ZNF32: variants seen among roughly 807,000 people sequenced by gnomAD.
The protein encoded by ZNF32 is C2H2-546.
Under a neutral mutation model 24.4 loss-of-function variants are expected in ZNF32, and 13 were observed. That is an observed-to-expected ratio of 0.53 (90% CI 0.35 to 0.85). ZNF32 has a LOEUF of 0.85. ZNF32 is among the 40% of genes least tolerant of loss of function. ZNF32 has a pLI of 0.01. For synonymous variants in ZNF32, 115 were observed against 117.4 expected (o/e 0.98, Z 0.13); for missense variants, 239 against 325.3 (o/e 0.73, Z 2.04).
intron 1 of ZNF32, among the ~76,000 whole-genome samples, chr10:43,648,170 C>T (rs112606739): frequency 3.3e-5 from 5 of 152,234 alleles, no homozygotes; most frequent in African/African-American, 1.2e-4. Flanking sequence ...TAACACTGTC[C>T]TATCAGGTAG....
At chr10:43,648,021 AAAGG>A (rs1839374681) in intron 1 of ZNF32, 1 of 152,228 alleles carries the variant, frequency 6.6e-6, no homozygotes, top group Admixed American at 6.5e-5. Context: ...TTCCTATTAG[AAAGG>A]CTACTATATC....
rs1361738639 is a variant in ZNF32, at chr10:43,646,112, T to G, written c.22A>C (p.Thr8Pro). The change falls in exon 2 of 3, where the codon ACC becomes CCC. Residue 8 changes from threonine (T) to proline (P), a missense_variant. Physicochemically the swap from Thr to Pro is conservative, Grantham distance 38 (BLOSUM62 -1). Transcript: ENST00000374433. ...TATCTTCCATGACAGTCCAGCAGGG[T>G]AGCTGTTGGAAATCCAAACATGTCC... MFGFPTA[T>P]LLDCHGRYAQ... The G allele has an allele frequency of 6.2e-7, 1 of 1,614,102 alleles. No individual in the cohort carries two copies.
intron 1 of ZNF32, chr10:43,647,988 C>T (rs1469613630): frequency 6.6e-6 from 1 of 152,166 alleles, no homozygotes; most frequent in Admixed American, 6.5e-5. Flanking sequence ...GTAAAAGTGG[C>T]TTTATAATTA....
chr10:43,647,076 T>A (rs918320420), intron 1 of ZNF32: 4 of 152,182 alleles, frequency 2.6e-5, no homozygotes, highest in Non-Finnish European at 5.9e-5. Flanking sequence ...TTAATTTTTT[T>A]AAAATTCTGA....
At position 43,644,473 on chromosome 10, in the gene ZNF32, A is replaced by G; in HGVS notation, c.399T>C (p.Tyr133=). The G allele has an allele frequency of 1.2e-6, 2 of 1,614,200 alleles. No individual in the cohort carries two copies. Among genetic ancestry groups the G allele is most frequent in the Non-Finnish European group, 1.7e-6 (2 of 1,180,024 alleles). Residue 133 remains tyrosine, a synonymous_variant, in exon 3 of 3, where the codon TAT becomes TAC. Transcript: ENST00000374433. This position sits in a 1 kb window ranked among gnomAD's most constrained non-coding sequence, Gnocchi z 5.3. ...HQRIHTGEKP[Y]QCKECGKSFS... is the part of the protein sequence containing the mutation. Reference sequence around the variant, plus strand: ...AGCTTTTCCCACACTCCTTGCACTGATAAGGCTTCTCTCCCGTGTGTATCC... The same window carrying G: ...AGCTTTTCCCACACTCCTTGCACTGGTAAGGCTTCTCTCCCGTGTGTATCC...
Position 43,644,262 on chromosome 10 carries a change from A to G in ZNF32, c.610T>C (p.Leu204=). The stretch of plus-strand genomic sequence containing the variant: ...GTGTGGACTCTGATGTGAACAATTA[A>G]GCTTCCTTTCTGACTGAAGGCTTTT... The part of the protein sequence containing the change: ...CGKAFSQKGS[L]IVHIRVHTGL... The change falls in exon 3 of 3, where the codon TTA becomes CTA. Residue 204 remains leucine, a synonymous_variant. Transcript: ENST00000374433. This position sits in a 1 kb window ranked among gnomAD's most constrained non-coding sequence, Gnocchi z 5.3. 6.2e-7 allele frequency: 1 copy of G among 1,614,192 alleles called. No individual in the cohort carries two copies.
intron 1 of ZNF32, chr10:43,647,347 T>C (rs1839339145): frequency 6.6e-6 from 1 of 152,128 alleles, no homozygotes; most frequent in African/African-American, 2.4e-5. Context: ...TCCCAAGACA[T>C]GTAGGCATGA....
intron 1 of ZNF32, chr10:43,647,633 A>C (rs764024096): frequency 1.4e-4 from 21 of 152,204 alleles, no homozygotes; most frequent in Non-Finnish European, 2.8e-4. Flanking sequence ...GAATCATTTA[A>C]ATTTTTATTT....
intron 2 of ZNF32, 122 bp downstream of exon 2, chr10:43,645,942 G>A (rs1839270688): frequency 6.7e-7 from 1 of 1,499,306 alleles, no homozygotes; most frequent in African/African-American, 1.4e-5. Flanking sequence ...ATAACCCTAG[G>A]AACAGCAAGC....
intron 1 of ZNF32, chr10:43,648,005 T>C (rs899603179): frequency 2.6e-5 from 4 of 152,224 alleles, no homozygotes; most frequent in Admixed American, 2.0e-4. Flanking sequence ...ATTAAAAACA[T>C]TGATTTTCCT....
intron 2 of ZNF32, among the ~76,000 whole-genome samples, chr10:43,645,657 G>T (rs947572309): frequency 6.6e-6 from 1 of 152,076 alleles, no homozygotes; most frequent in Non-Finnish European, 1.5e-5. Flanking sequence ...TATTCTCTAT[G>T]CAGATATTGA....
chr10:43,646,034 G>A lies in ZNF32; in HGVS notation c.70+30C>T, dbSNP rs141643182. The stretch of plus-strand genomic sequence containing the variant: ...GGGACACTGAATATCTGTGAGCTGA[G>A]CGCATCCAGCCATCAACTGACTCAC... On this transcript the variant is annotated intron_variant, in intron 2 of 2. Coordinates refer to ENST00000374433, the MANE Select transcript of ZNF32 (RefSeq NM_006973.3). The A allele has an allele frequency of 1.5e-4, 249 of 1,613,528 alleles. 1 individual carries two copies. The African/African-American group carries it at 3.1e-3, about 20-fold the overall frequency.
At chr10:43,648,587 C>T (rs1026543886) in intron 1 of ZNF32, 1 of 152,248 alleles carries the variant, frequency 6.6e-6, no homozygotes, top group Non-Finnish European at 1.5e-5. Context: ...TCCTGAACCT[C>T]GGCATCCCGC....
chr10:43,646,324 A>ATTAT (rs988922573), intron 1 of ZNF32, 122 bp from the exon 2 acceptor site: 3 of 630,994 alleles, frequency 4.8e-6, no homozygotes, highest in Non-Finnish European at 8.0e-6. Flanking sequence ...GTTTGACATA[A>ATTAT]TGTCAGTTAC....
Position 43,644,428 on chromosome 10 carries a change from G to C in ZNF32, c.444C>G (p.Leu148=). The change falls in exon 3 of 3, where the codon CTC becomes CTG. Residue 148 remains leucine (L), a synonymous_variant. Coordinates refer to ENST00000374433, the MANE Select transcript of ZNF32 (RefSeq NM_006973.3). The surrounding 1 kb of genome is among the most constrained non-coding windows in gnomAD (Gnocchi z 5.3). ...CAGTGTGGAGTCTCTCGTGGACAGCGAGACTACCTCGTTGACTGAAGCTTT... is the reference window on the plus strand; with the variant it reads ...CAGTGTGGAGTCTCTCGTGGACAGCCAGACTACCTCGTTGACTGAAGCTTT... ...CGKSFSQRGS[L]AVHERLHTGQ... The C allele has an allele frequency of 6.2e-7, 1 of 1,614,090 alleles. No individual in the cohort carries two copies. The highest frequency in any genetic ancestry group is 8.5e-7 in the Non-Finnish European group (1 of 1,179,980).
rs1839206874 is a variant in ZNF32 at position 43,644,379 on chromosome 10, T to C, written c.493A>G (p.Ile165Val). ...HTGQKPYECAICQRSFRNQSN... is the reference protein window; with the variant it reads ...HTGQKPYECAVCQRSFRNQSN... ...TGATTCCTGAAGCTTCTCTGACAAA[T>C]AGCACACTCGTAGGGTTTCTGTCCA... is the stretch of plus-strand genomic sequence containing the variant. Residue 165 changes from isoleucine to valine, a missense_variant, in exon 3 of 3, where the codon ATT (isoleucine) becomes GTT (valine). Transcript: ENST00000374433. The surrounding 1 kb of genome is among the most constrained non-coding windows in gnomAD (Gnocchi z 5.3). The C allele has an allele frequency of 6.2e-7, 1 of 1,613,634 alleles. No homozygotes were observed. The highest frequency in any genetic ancestry group is 8.5e-7 in the Non-Finnish European group (1 of 1,179,714).
Position 43,644,628 on chromosome 10 carries a change from A to G in ZNF32, c.244T>C (p.Cys82Arg). The change falls in exon 3 of 3, where the codon TGT (cysteine) becomes CGT (arginine). Residue 82 changes from cysteine to arginine, a missense_variant. Cys to Arg is a radical substitution (Grantham distance 180). Transcript: ENST00000374433. This position sits in a 1 kb window ranked among gnomAD's most constrained non-coding sequence, Gnocchi z 5.3. ...VRQRVYECQE[C>R]GKSFRQKGSL... ...CCTTTTTGCCGGAAGGATTTTCCAC[A>G]CTCCTGGCACTCATAGACCCTTTGT... 1 of 1,613,584 alleles carries G rather than the reference A, an allele frequency of 6.2e-7. No individual in the cohort carries two copies. The highest frequency in any genetic ancestry group is 8.5e-7 in the Non-Finnish European group (1 of 1,179,896).
chr10:43,646,355 G>C lies in ZNF32; in HGVS notation c.-69-153C>G, dbSNP rs1405230573. 5.6e-6 allele frequency: 3 copies of C among 538,942 alleles called. No individual in the cohort carries two copies. The Admixed American group carries it at 9.9e-5, about 18-fold the overall frequency. 33.4% of individuals were successfully genotyped at this position (538,942 alleles called of 1,614,324 possible). A position where few individuals can be genotyped will look rare whatever the true frequency, so the allele number is the denominator to read the frequency against. On this transcript the variant is annotated intron_variant, in intron 1 of 2. Transcript: ENST00000374433. ...GTTACTAAAATATCACTGCAAAATGGGCCCAAAGGTACCAGGACCACACAC... is the reference window on the plus strand; with the variant it reads ...GTTACTAAAATATCACTGCAAAATGCGCCCAAAGGTACCAGGACCACACAC...
chr10:43,648,633 G>C (rs1406657752), intron 1 of ZNF32, 169 bp downstream of exon 1: 1 of 152,180 alleles, frequency 6.6e-6, no homozygotes. Context: ...GCGGACCGCC[G>C]ACCTCTCCGC....
Sources: allele counts gnomAD v4.1 joint callset (sites outside exome capture counted in the v4.1 genomes callset), GRCh38; gene constraint gnomAD v4.1.1; non-coding constraint Gnocchi (gnomAD v3.1); transcripts MANE v1.5; gene names NCBI Gene and HGNC (gene_info 2026-07-23, HGNC 2026-07-21).